Variants in DLC1 observed in about 807,000 individuals in gnomAD.
DLC1 encodes rho GTPase-activating protein 7.
Under a neutral mutation model 140.3 loss-of-function variants are expected in DLC1, and 54 were observed. The observed-to-expected ratio is 0.38, with a 90% confidence interval of 0.31 to 0.48. DLC1 has a LOEUF of 0.48. DLC1 is among the 20% of genes least tolerant of loss of function. The pLI is 0.96. For missense variants in DLC1, 2,536 were observed against 1,907.0 expected, an observed-to-expected ratio of 1.33 and a Z score of -6.14; for synonymous variants, 986 against 728.1, an observed-to-expected ratio of 1.35 and a Z score of -5.70.
chr8:13,391,323 G>A (rs1586261192), intron 4 of DLC1, among the ~76,000 whole-genome samples: 2 of 152,142 alleles, frequency 1.3e-5, no homozygotes, highest in Admixed American at 1.3e-4. Flanking sequence ...TGACTAGAAA[G>A]CTCTGCTTGT....
intron 5 of DLC1, among the ~76,000 whole-genome samples, chr8:13,121,874 C>A: frequency 6.6e-6 from 1 of 152,050 alleles, no homozygotes; most frequent in African/African-American, 2.4e-5. Context: ...TTAAAAACAC[C>A]GACCATCCCC....
intron 1 of DLC1, among the ~76,000 whole-genome samples, chr8:13,594,891 G>A (rs141171233): frequency 1.6e-3 from 244 of 151,238 alleles, no homozygotes; most frequent in Non-Finnish European, 2.7e-3. Flanking sequence ...TTATTTCACC[G>A]TCCCTTTCAG....
chr8:13,512,861 A>C (rs1433622468), intron 1 of DLC1, among the ~76,000 whole-genome samples: 1 of 152,124 alleles, frequency 6.6e-6, no homozygotes, highest in Non-Finnish European at 1.5e-5. Context: ...AATAGTCATA[A>C]AGCAAGTTAC....
chr8:13,300,856 T>C (rs972552001), intron 5 of DLC1, among the ~76,000 whole-genome samples: 1 of 152,244 alleles, frequency 6.6e-6, no homozygotes, highest in African/African-American at 2.4e-5. Flanking sequence ...CTGGTGACAG[T>C]GCAGATAATA....
intron 5 of DLC1, among the ~76,000 whole-genome samples, chr8:13,196,024 A>T (rs967531704): frequency 6.6e-6 from 1 of 151,982 alleles, no homozygotes; most frequent in Non-Finnish European, 1.5e-5. Flanking sequence ...ATAGTAAGTA[A>T]ATCCAGCTTT....
At chr8:13,240,664 C>G (rs992926834) in intron 5 of DLC1, among the ~76,000 whole-genome samples, 1 of 152,132 alleles carries the variant, frequency 6.6e-6, no homozygotes, top group Non-Finnish European at 1.5e-5. Context: ...AACTTCTGAA[C>G]TCAAGCAGTC....
At chr8:13,361,751 G>A (rs1250021307) in intron 4 of DLC1, among the ~76,000 whole-genome samples, 1 of 152,132 alleles carries the variant, frequency 6.6e-6, no homozygotes, top group African/African-American at 2.4e-5. Flanking sequence ...CTTCTGTTAG[G>A]GTAAGAAAAA....
At chr8:13,329,219 T>A (rs922500842) in intron 4 of DLC1, among the ~76,000 whole-genome samples, 1 of 152,174 alleles carries the variant, frequency 6.6e-6, no homozygotes, top group Admixed American at 6.5e-5. Context: ...CTCTCCCAAA[T>A]TGATTCTGAA....
rs143459174 is a variant in DLC1, at chr8:13,277,424, C to T, written c.1348+27845G>A. On this transcript the variant is annotated intron_variant, in intron 5 of 17. Transcript: ENST00000276297. ...TACTTACAGTGGTTTAATCAAGTCA[C>T]TCTAGGTTTTGCCCCTTAAAAAGTT... Among the ~76,000 whole-genome samples, 21 of 152,332 alleles carry T rather than the reference C, an allele frequency of 1.4e-4. No homozygotes were observed. In the East Asian group the frequency reaches 4.0e-3, roughly 29 times the overall value.
rs147571801 is a variant in DLC1 at position 13,564,519 on chromosome 8, T to C, written c.-126+40018A>G. 6.8e-4 allele frequency among the ~76,000 whole-genome samples: 104 copies of C among 152,266 alleles called. 2 individuals are homozygous for C. Among genetic ancestry groups the C allele is most frequent in the Admixed American group, 1.2e-3 (18 of 15,288 alleles). Reference sequence around the variant, plus strand: ...AGTCTCTCTTATACTTAAACTAGACTCCCACTTTGTACACTGCACACCACC... The same window carrying C: ...AGTCTCTCTTATACTTAAACTAGACCCCCACTTTGTACACTGCACACCACC... On this transcript the variant is annotated intron_variant, in intron 1 of 1. Transcript: ENST00000631382.
chr8:13,200,129 G>A (rs574293899), intron 5 of DLC1, among the ~76,000 whole-genome samples: 6 of 152,104 alleles, frequency 3.9e-5, no homozygotes, highest in African/African-American at 1.4e-4. Context: ...TGCAACCTCC[G>A]CCTCCTGGGT....
At chr8:13,554,563 G>A (rs985606964) in intron 1 of DLC1, among the ~76,000 whole-genome samples, 5 of 151,982 alleles carry the variant, frequency 3.3e-5, no homozygotes, top group African/African-American at 9.7e-5. Context: ...TCCACTCATG[G>A]TGACTCAATC....
intron 8 of DLC1, among the ~76,000 whole-genome samples, chr8:13,102,217 A>G (rs565467737): frequency 6.6e-6 from 1 of 152,318 alleles, no homozygotes; most frequent in East Asian, 1.9e-4. Context: ...AAGATCTCAT[A>G]AAAAGTCTTC....
rs141624997 is a variant in DLC1 at position 13,489,324 on chromosome 8, A to G, written c.1023+9725T>C. Reference sequence around the variant, plus strand: ...ACATACTTTCTCAGTTCTCTCTTGAATTTGTCAGTCCCCGCCCCCGGCCCC... The same window carrying G: ...ACATACTTTCTCAGTTCTCTCTTGAGTTTGTCAGTCCCCGCCCCCGGCCCC... On this transcript the variant is annotated intron_variant, in intron 2 of 17. Coordinates refer to ENST00000276297, the MANE Select transcript of DLC1 (RefSeq NM_182643.3). Among the ~76,000 whole-genome samples the G allele has an allele frequency of 3.1e-3, 458 of 148,336 alleles. 6 individuals are homozygous for G. The East Asian group carries it at 0.045, about 14-fold the overall frequency.
At chr8:13,175,113 G>C (rs1825688065) in intron 5 of DLC1, among the ~76,000 whole-genome samples, 1 of 152,130 alleles carries the variant, frequency 6.6e-6, no homozygotes, top group Non-Finnish European at 1.5e-5. Context: ...TTATTGAACA[G>C]AGAGTCCCTA....
Position 13,112,379 on chromosome 8 carries a change from T to C in DLC1, c.1421-1556A>G, listed in dbSNP as rs554462853. 1.1e-4 allele frequency among the ~76,000 whole-genome samples: 16 copies of C among 152,330 alleles called. No homozygotes were observed. In the South Asian group the frequency reaches 2.7e-3, roughly 26 times the overall value. On this transcript the variant is annotated intron_variant, in intron 6 of 17. Transcript: ENST00000276297. Reference sequence around the variant, plus strand: ...TTAGTAATCTATTTTCTAGAGATAATATATCAGAATGAGTATAAAGTTATA... The same window carrying C: ...TTAGTAATCTATTTTCTAGAGATAACATATCAGAATGAGTATAAAGTTATA...
At chr8:13,455,182 T>C (rs1799328139) in intron 2 of DLC1, among the ~76,000 whole-genome samples, 1 of 152,174 alleles carries the variant, frequency 6.6e-6, no homozygotes, top group African/African-American at 2.4e-5. Flanking sequence ...TACAAATGAA[T>C]TGAAAATATT....
chr8:13,120,356 A>AAAAAAAAAAAAAAAAATATATAT, intron 5 of DLC1, among the ~76,000 whole-genome samples: 2 of 61,128 alleles, frequency 3.3e-5, no homozygotes, highest in South Asian at 7.5e-4. Flanking sequence ...AAAAAAAAAA[A>AAAAAAAAAAAAAAAAATATATAT]ATATATATAT....
At chr8:13,486,821 G>C (rs1289078650) in intron 2 of DLC1, among the ~76,000 whole-genome samples, 1 of 152,092 alleles carries the variant, frequency 6.6e-6, no homozygotes, top group Non-Finnish European at 1.5e-5. Flanking sequence ...ACAAAACGAA[G>C]GCAAAATGCA....
Sources: gnomAD v4.1 joint callset for allele counts (sites outside exome capture counted in the v4.1 genomes callset) on GRCh38, gnomAD v4.1.1 for gene constraint, MANE v1.5 for transcripts, NCBI Gene and HGNC (gene_info 2026-07-23, HGNC 2026-07-21) for gene names.